The following FRMD4B variants were observed in gnomAD, a reference collection of about 807,000 sequenced individuals.
The protein encoded by FRMD4B is FERM domain-containing protein 4B.
A neutral mutation model predicts 141.5 loss-of-function variants in FRMD4B; 74 were observed. The ratio of observed to expected loss-of-function variants is 0.52; its 90% CI spans 0.43 to 0.63. FRMD4B has a LOEUF of 0.63. Ranked by LOEUF, FRMD4B falls within the 30% of genes least tolerant of loss-of-function variation. FRMD4B has a pLI of 0.00. For missense variants in FRMD4B, 1,366 were observed against 1,253.4 expected, an observed-to-expected ratio of 1.09 and a Z score of -1.36; for synonymous variants, 506 against 467.9, an observed-to-expected ratio of 1.08 and a Z score of -1.05.
At position 69,196,488 on chromosome 3, in the gene FRMD4B, CAG is replaced by C. The variant is rs1311091432; in HGVS notation, c.1093-94_1093-93del. Reference sequence around the variant, plus strand: ...TTAACATACAATAAAAATAGCAACACAGAGGATAATTTAGAATTTTCACATAT... The same window carrying C: ...TTAACATACAATAAAAATAGCAACACAGGATAATTTAGAATTTTCACATAT... On this transcript the variant is annotated intron_variant, in intron 13 of 22. Coordinates refer to ENST00000398540, the MANE Select transcript of FRMD4B (RefSeq NM_015123.3). 4.0e-6 allele frequency: 4 copies of C among 995,950 alleles called. No homozygotes were observed. The South Asian group carries it at 4.5e-5, about 11-fold the overall frequency. 61.7% of individuals were successfully genotyped at this position (995,950 alleles called of 1,614,324 possible).
At chr3:69,398,546 A>T (rs923786540) in intron 2 of FRMD4B, among the ~76,000 whole-genome samples, 6 of 152,226 alleles carry the variant, frequency 3.9e-5, no homozygotes, top group African/African-American at 1.4e-4. Flanking sequence ...TTCTAATTGG[A>T]AATGCACATG....
intron 1 of FRMD4B, among the ~76,000 whole-genome samples, chr3:69,375,259 C>CAT (rs1703940549): frequency 6.0e-4 from 6 of 10,084 alleles, no homozygotes; most frequent in African/African-American, 1.4e-3. Context: ...ATCCATCCAC[C>CAT]CCATCCCATC....
At chr3:69,369,071 A>T (rs1211031337) in intron 1 of FRMD4B, among the ~76,000 whole-genome samples, 1 of 152,226 alleles carries the variant, frequency 6.6e-6, no homozygotes, top group East Asian at 1.9e-4. Context: ...CCTATTATGG[A>T]GTCTAACCAT....
At chr3:69,335,310 C>T (rs1208497477) in intron 1 of FRMD4B, among the ~76,000 whole-genome samples, 1 of 152,016 alleles carries the variant, frequency 6.6e-6, no homozygotes, top group East Asian at 1.9e-4. Context: ...AGTGCAAAGG[C>T]CCTGAGGCAG....
At chr3:69,217,317 T>C (rs370367781) in intron 10 of FRMD4B, among the ~76,000 whole-genome samples, 4 of 152,202 alleles carry the variant, frequency 2.6e-5, no homozygotes, top group East Asian at 1.9e-4. Flanking sequence ...CCAGAGTCAG[T>C]AGAAATTAAA....
At chr3:69,204,876 A>C (rs926734770) in intron 11 of FRMD4B, among the ~76,000 whole-genome samples, 10 of 152,240 alleles carry the variant, frequency 6.6e-5, no homozygotes, top group Non-Finnish European at 1.5e-4. Flanking sequence ...CTCACTATGC[A>C]GAAGAGAAAA....
intron 2 of FRMD4B, among the ~76,000 whole-genome samples, chr3:69,417,593 T>C (rs2106798242): frequency 6.6e-6 from 1 of 152,350 alleles, no homozygotes; most frequent in Non-Finnish European, 1.5e-5. Context: ...CCATTGCTTT[T>C]GGTGTTTTAG....
At chr3:69,455,671 A>ATTTTGGG (rs1470121853) in intron 1 of FRMD4B, among the ~76,000 whole-genome samples, 3 of 152,186 alleles carry the variant, frequency 2.0e-5, no homozygotes, top group Non-Finnish European at 4.4e-5. Context: ...GAGACCAAAA[A>ATTTTGGG]CCCACCAATT....
In FRMD4B at chr3:69,375,666, TAAA is replaced by T. The variant is rs1703953515; in HGVS notation, c.162+10159_162+10161del. On this transcript the variant is annotated intron_variant, in intron 1 of 22. Transcript: ENST00000398540. ...TTGTATCTTTATGTGTCATTTCTCT[TAAA>T]ATAAAGCAGCAAATTTGTGGCCAGA... is the stretch of plus-strand genomic sequence containing the variant. 3.7e-3 allele frequency among the ~76,000 whole-genome samples: 3 copies of T among 800 alleles called. No homozygotes were observed. The South Asian group carries it at 0.088, about 24-fold the overall frequency. 0.5% of individuals were successfully genotyped at this position (800 alleles called of 152,430 possible).
intron 5 of FRMD4B, among the ~76,000 whole-genome samples, chr3:69,277,290 T>C (rs1159572897): frequency 1.3e-5 from 2 of 152,108 alleles, no homozygotes; most frequent in Non-Finnish European, 2.9e-5. Context: ...TATCTACTCC[T>C]GATAAGCTGG....
intron 11 of FRMD4B, among the ~76,000 whole-genome samples, chr3:69,204,425 G>A (rs1034273698): frequency 3.3e-5 from 5 of 152,072 alleles, no homozygotes; most frequent in African/African-American, 7.2e-5. Context: ...CTGCAAATTC[G>A]CCTGGAAATG....
chr3:69,476,546 C>G (rs1192085759), intron 1 of FRMD4B, among the ~76,000 whole-genome samples: 1 of 152,098 alleles, frequency 6.6e-6, no homozygotes, highest in Non-Finnish European at 1.5e-5. Flanking sequence ...GGGCTCTGTT[C>G]TGTTCCATTG....
chr3:69,508,857 G>A (rs528980872), intron 1 of FRMD4B, among the ~76,000 whole-genome samples: 4 of 152,292 alleles, frequency 2.6e-5, no homozygotes, highest in South Asian at 4.1e-4. Flanking sequence ...CTACAAGGTG[G>A]GTACTGCTGT....
intron 2 of FRMD4B, 30 bp from the exon 3 acceptor site, chr3:69,311,387 ATTTGG>A: frequency 8.5e-7 from 1 of 1,174,136 alleles, no homozygotes; most frequent in Non-Finnish European, 1.3e-6. Flanking sequence ...GTTAGAAGCA[ATTTGG>A]TTGCCTCTCT....
chr3:69,345,492 T>C (rs1175268266), intron 1 of FRMD4B, among the ~76,000 whole-genome samples: 1 of 152,194 alleles, frequency 6.6e-6, no homozygotes, highest in Non-Finnish European at 1.5e-5. Flanking sequence ...AGAGTAGTTG[T>C]TCTCCCAGCA....
At chr3:69,503,298 A>G (rs1173748274) in intron 1 of FRMD4B, among the ~76,000 whole-genome samples, 3 of 152,126 alleles carry the variant, frequency 2.0e-5, no homozygotes, top group South Asian at 2.1e-4. Flanking sequence ...ATGTCCATCA[A>G]TGATAGACTG....
intron 7 of FRMD4B, among the ~76,000 whole-genome samples, chr3:69,231,824 A>G (rs1045688445): frequency 6.6e-5 from 10 of 152,196 alleles, no homozygotes; most frequent in African/African-American, 2.2e-4. Flanking sequence ...CTGGCATATT[A>G]TTATAGAAGG....
intron 1 of FRMD4B, among the ~76,000 whole-genome samples, chr3:69,461,725 G>A (rs1305047700): frequency 6.6e-6 from 1 of 151,368 alleles, no homozygotes; most frequent in Non-Finnish European, 1.5e-5. Flanking sequence ...TTTGGCCCAG[G>A]CTAGGATTTC....
At chr3:69,177,630 A>C (rs949539162) in intron 21 of FRMD4B, among the ~76,000 whole-genome samples, 2 of 152,248 alleles carry the variant, frequency 1.3e-5, no homozygotes. Context: ...AGCCTGGGCC[A>C]CCAAGTGAGA....
Sources: gnomAD v4.1 joint callset for allele counts (sites outside exome capture counted in the v4.1 genomes callset) on GRCh38, gnomAD v4.1.1 for gene constraint, MANE v1.5 for transcripts, NCBI Gene and HGNC (gene_info 2026-07-23, HGNC 2026-07-21) for gene names.